SHKBP1: variants seen among roughly 807,000 people sequenced by gnomAD.
SHKBP1 encodes SH3KBP1-binding protein 1.
SHKBP1 carries 71 observed loss-of-function variants against 83.9 expected under a neutral mutation model. The ratio of observed to expected loss-of-function variants is 0.85; its 90% CI spans 0.70 to 1.03. SHKBP1 has a LOEUF of 1.03. Ranked by LOEUF, SHKBP1 falls within the 50% of genes least tolerant of loss-of-function variation. The probability of loss-of-function intolerance (pLI) is 0.00; values close to 1 mark genes in which losing one functional copy is unlikely to be tolerated. For synonymous variants in SHKBP1, 371 were observed against 398.0 expected, an observed-to-expected ratio of 0.93 and a Z score of 0.81; for missense variants, 824 against 982.4, an observed-to-expected ratio of 0.84 and a Z score of 2.16.
Position 40,582,606 on chromosome 19 carries a change from G to C in SHKBP1, c.960+140G>C, listed in dbSNP as rs2081279015. On this transcript the variant is annotated intron_variant, in intron 10 of 17. Transcript: ENST00000291842. ...GAACCAGCAGCTGGCCAGAGCCTGG[G>C]GATGTCTGTGATAAAGGCCTAAGGA... is the stretch of plus-strand genomic sequence containing the variant. The C allele has an allele frequency of 4.4e-6, 3 of 681,086 alleles. No individual in the cohort carries two copies. In the East Asian group the frequency reaches 8.2e-5, roughly 19 times the overall value. 42.2% of individuals were successfully genotyped at this position (681,086 alleles called of 1,614,324 possible).
At chr19:40,580,152 C>T (rs1660419840) in intron 6 of SHKBP1, 172 bp from the exon 7 acceptor site, 4 of 673,038 alleles carry the variant, frequency 5.9e-6, no homozygotes, top group Non-Finnish European at 9.7e-6. Flanking sequence ...AGGGAAGTAA[C>T]TTGCTATGTG....
rs773904593 is a variant in SHKBP1, at chr19:40,578,464, C to T, written c.322C>T (p.Arg108Cys). Residue 108 changes from arginine to cysteine, a missense_variant and splice_region_variant, in exon 6 of 18, where the codon CGT (arginine) becomes TGT (cysteine). Transcript: ENST00000291842. ...GCCTTTAAGTCCTCCTGTTGCAGTTCGTCGCCTGCAGCTTCGAGAGGAGTT... is the reference window on the plus strand; with the variant it reads ...GCCTTTAAGTCCTCCTGTTGCAGTTTGTCGCCTGCAGCTTCGAGAGGAGTT... ...AQFYGLTPLV[R>C]RLQLREELDR... 10 of 1,613,992 alleles carry T rather than the reference C, an allele frequency of 6.2e-6. No individual in the cohort carries two copies. The highest frequency in any genetic ancestry group is 2.2e-5 in the South Asian group (2 of 91,080).
At chr19:40,581,670 T>C (rs910108065) in intron 9 of SHKBP1, among the ~76,000 whole-genome samples, 6 of 152,208 alleles carry the variant, frequency 3.9e-5, no homozygotes, top group Admixed American at 2.0e-4. Context: ...ATGTAAGCCA[T>C]GATTGCACCA....
Position 40,577,628 on chromosome 19 carries a change from C to CGG in SHKBP1, c.258_259insGG (p.Arg87GlyfsTer52). 17 of 1,614,150 alleles carry CGG rather than the reference C, an allele frequency of 1.1e-5. No individual in the cohort carries two copies. The highest frequency in any genetic ancestry group is 1.4e-5 in the Non-Finnish European group (17 of 1,180,016). ...TCCTGCGCACCAAAGAGTTGGATCC[C>CGG]AGGTTGGCATGGAAAAAGGGGAGGG... On this transcript the variant is annotated frameshift_variant and splice_region_variant, in exon 4 of 18. Transcript: ENST00000291842. LOFTEE classifies it high-confidence loss of function.
chr19:40,580,531 G>A, intron 7 of SHKBP1, 35 bp from the exon 8 acceptor site: 1 of 1,614,148 alleles, frequency 6.2e-7, no homozygotes, highest in Non-Finnish European at 8.5e-7. Context: ...TGGGGTCCCT[G>A]TGACCCTCTT....
At chr19:40,578,774 G>GACT (rs1326128457) in intron 6 of SHKBP1, among the ~76,000 whole-genome samples, 2 of 152,166 alleles carry the variant, frequency 1.3e-5, no homozygotes, top group Non-Finnish European at 2.9e-5. Context: ...GAGCCCCATG[G>GACT]GAGTTGTAGT....
rs757953470 is a variant in SHKBP1, at chr19:40,591,055, CG to C, written c.1973del (p.Arg658LeufsTer43). Reference protein sequence around the residue: ...PSPPQAEARRRGGGSFVERCQ... With the variant: ...PSPPQAEARRXGGGSFVERCQ... The stretch of plus-strand genomic sequence containing the variant: ...CCCCCCGCAGGCTGAGGCCCGGCGC[CG>C]TGGTGGGGGCAGCTTTGTGGAACGC... On this transcript the variant is annotated frameshift_variant, in exon 18 of 18. Coordinates refer to ENST00000291842, the MANE Select transcript of SHKBP1 (RefSeq NM_138392.4). LOFTEE classifies it high-confidence loss of function. 1.9e-6 allele frequency: 3 copies of C among 1,612,962 alleles called. No homozygotes were observed. In the East Asian group the frequency reaches 6.7e-5, roughly 36 times the overall value.
In SHKBP1 at chr19:40,590,979, C is replaced by A. The variant is rs1389163042; in HGVS notation, c.1896C>A (p.Leu632=). 2 of 1,602,766 alleles carry A rather than the reference C, an allele frequency of 1.2e-6. No homozygotes were observed. The highest frequency in any genetic ancestry group is 1.7e-6 in the Non-Finnish European group (2 of 1,171,142). ...SPSPRISLTS[L]HSASSNTSLS... is the part of the protein sequence containing the mutation. The stretch of plus-strand genomic sequence containing the variant: ...CTTACTGTCCTTACTTCCTCAGCCT[C>A]CACTCAGCCTCCAGCAACACCTCCT... The change falls in exon 18 of 18, where the codon CTC becomes CTA. Residue 632 remains leucine, a synonymous_variant. Transcript: ENST00000291842. This position sits in a 1 kb window ranked among gnomAD's most constrained non-coding sequence, Gnocchi z 4.6.
chr19:40,578,578 T>G (rs1274731579), intron 6 of SHKBP1, 36 bp downstream of exon 6: 3 of 1,590,436 alleles, frequency 1.9e-6, no homozygotes, highest in Admixed American at 1.7e-5. Context: ...GGCGCGGAGG[T>G]GGGCCAAAGA....
intron 6 of SHKBP1, 103 bp from the exon 7 acceptor site, chr19:40,580,220 AT>A (rs2081256222): frequency 1.5e-6 from 2 of 1,345,934 alleles, no homozygotes; most frequent in African/African-American, 2.9e-5. Context: ...CCCGGAGACT[AT>A]GTCCCACACA....
rs968508343 is a variant in SHKBP1, at chr19:40,580,893, C to T, written c.801C>T (p.Ile267=). 1 of 1,609,234 alleles carries T rather than the reference C, an allele frequency of 6.2e-7. No homozygotes were observed. The highest frequency in any genetic ancestry group is 1.1e-5 in the South Asian group (1 of 90,434). ...KMVAAATGSE[I]LLWALQAEGG... ...TGGCAGCAGCCACCGGCAGCGAGAT[C>T]CTGCTATGGGCTCTGCAGGCGGAAG... is the stretch of plus-strand genomic sequence containing the variant. Residue 267 remains isoleucine, a synonymous_variant, in exon 9 of 18, where the codon ATC becomes ATT. Transcript: ENST00000291842.
rs1012956721 is a variant in SHKBP1, at chr19:40,591,189, C to G, written c.2106C>G (p.Leu702=). The G allele has an allele frequency of 3.2e-6, 5 of 1,587,272 alleles. No homozygotes were observed. In the African/African-American group the frequency reaches 6.7e-5, roughly 21 times the overall value. The part of the protein sequence containing the change: ...GTPLTPPKMK[L]NETSF ...CCCTCACACCTCCCAAGATGAAGCTCAATGAAACTTCCTTTTGAACAACGC... is the reference window on the plus strand; with the variant it reads ...CCCTCACACCTCCCAAGATGAAGCTGAATGAAACTTCCTTTTGAACAACGC... The change falls in exon 18 of 18, where the codon CTC becomes CTG. Residue 702 remains leucine, a synonymous_variant. Transcript: ENST00000291842.
Position 40,590,502 on chromosome 19 carries a change from C to G in SHKBP1, c.1768+80C>G. 1 of 1,481,168 alleles carries G rather than the reference C, an allele frequency of 6.8e-7. No homozygotes were observed. The highest frequency in any genetic ancestry group is 9.2e-7 in the Non-Finnish European group (1 of 1,092,310). The allele number at this position is 1,481,168 out of a possible 1,614,324, so 91.8% of individuals were successfully genotyped here. A position where few individuals can be genotyped will look rare whatever the true frequency, so the allele number is the denominator to read the frequency against. ...CACTCTCCACTGCCAACTGCTTGATCTCTCTCCCAGGCCCTTGCCCTCTGA... is the reference window on the plus strand; with the variant it reads ...CACTCTCCACTGCCAACTGCTTGATGTCTCTCCCAGGCCCTTGCCCTCTGA... On this transcript the variant is annotated intron_variant, in intron 16 of 17. Transcript: ENST00000291842. The surrounding 1 kb of genome is among the most constrained non-coding windows in gnomAD (Gnocchi z 4.6).
Position 40,590,706 on chromosome 19 carries a change from T to C in SHKBP1, c.1769-24T>C, listed in dbSNP as rs1599850196. The C allele has an allele frequency of 7.7e-7, 1 of 1,307,010 alleles. No homozygotes were observed. The highest frequency in any genetic ancestry group is 1.3e-5 in the South Asian group (1 of 75,662). 81.0% of individuals were successfully genotyped at this position (1,307,010 alleles called of 1,614,324 possible). On this transcript the variant is annotated intron_variant, in intron 16 of 17. Transcript: ENST00000291842. This position sits in a 1 kb window ranked among gnomAD's most constrained non-coding sequence, Gnocchi z 4.6. ...GCCCTATGACCCCTGTCTTGCCCCC[T>C]GACCCTGCTTCCGTGCCCCCCAGCA...
At position 40,576,885 on chromosome 19, in the gene SHKBP1, G is replaced by C. The variant is rs563122008; in HGVS notation, c.-15G>C. On this transcript the variant is annotated 5_prime_UTR_variant, in exon 1 of 18. Coordinates refer to ENST00000291842, the MANE Select transcript of SHKBP1 (RefSeq NM_138392.4). ...CCCGGAAGTGGGTGCGGGCCAGCCG[G>C]CTCGCCCGGGGGCCATGGCAGCAGC... 2 of 1,441,514 alleles carry C rather than the reference G, an allele frequency of 1.4e-6. No homozygotes were observed. The highest frequency in any genetic ancestry group is 2.9e-5 in the South Asian group (2 of 69,166). 89.3% of individuals were successfully genotyped at this position (1,441,514 alleles called of 1,614,324 possible). A position where few individuals can be genotyped will look rare whatever the true frequency, so the allele number is the denominator to read the frequency against.
In SHKBP1 at chr19:40,585,113, T is replaced by A. The variant is rs183037556; in HGVS notation, c.1165+1396T>A. Among the ~76,000 whole-genome samples, 679 of 150,858 alleles carry A rather than the reference T, an allele frequency of 4.5e-3. 5 individuals are homozygous for A. Among genetic ancestry groups the A allele is most frequent in the African/African-American group, 0.015 (602 of 41,094 alleles). ...GTGTGAAGCAGGGATTATTCTTTTT[T>A]AAAAAAAAATAGAGACAGGGTCTTG... On this transcript the variant is annotated intron_variant, in intron 12 of 17. Coordinates refer to ENST00000291842, the MANE Select transcript of SHKBP1 (RefSeq NM_138392.4).
At chr19:40,578,348 CTG>C (rs2081238943) in intron 5 of SHKBP1, 112 bp from the exon 6 acceptor site, 1 of 1,463,442 alleles carries the variant, frequency 6.8e-7, no homozygotes, top group African/African-American at 1.4e-5. Flanking sequence ...CTGGCCGGGT[CTG>C]TATTCGTACT....
rs764290507 is a variant in SHKBP1, at chr19:40,580,449, C to G, written c.526C>G (p.Arg176Gly). Residue 176 changes from arginine to glycine, a missense_variant, in exon 7 of 18, where the codon CGA (arginine) becomes GGA (glycine). Arg to Gly is a moderately radical substitution (Grantham distance 125). Transcript: ENST00000291842. ...PNLGNAGLLG[R>G]MLDEKTPPSP... ...CCTTGGCAATGCAGGGCTGCTGGGCCGAATGCTGGATGAGAAAACCCCTCC... is the reference window on the plus strand; with the variant it reads ...CCTTGGCAATGCAGGGCTGCTGGGCGGAATGCTGGATGAGAAAACCCCTCC... The G allele has an allele frequency of 1.2e-5, 20 of 1,613,128 alleles. No homozygotes were observed. Among genetic ancestry groups the G allele is most frequent in the Non-Finnish European group, 1.7e-5 (20 of 1,179,220 alleles).
At position 40,590,544 on chromosome 19, in the gene SHKBP1, C is replaced by A; in HGVS notation, c.1768+122C>A. The A allele has an allele frequency of 7.8e-7, 1 of 1,288,816 alleles. No homozygotes were observed. The allele number at this position is 1,288,816 out of a possible 1,614,324, so 79.8% of individuals were successfully genotyped here. The stretch of plus-strand genomic sequence containing the variant: ...GCCCTCTGACCCCTTTTCCTTTGAC[C>A]CCCTCTCTGCTCCCCATCCCTTCCT... On this transcript the variant is annotated intron_variant, in intron 16 of 17. Transcript: ENST00000291842. The surrounding 1 kb of genome is among the most constrained non-coding windows in gnomAD (Gnocchi z 4.6).
Sources: allele counts gnomAD v4.1 joint callset (sites outside exome capture counted in the v4.1 genomes callset), GRCh38; gene constraint gnomAD v4.1.1; non-coding constraint Gnocchi (gnomAD v3.1); transcripts MANE v1.5; gene names NCBI Gene and HGNC (gene_info 2026-07-23, HGNC 2026-07-21).